ERBB4: variants seen among roughly 807,000 people sequenced by gnomAD.
ERBB4 encodes erb-b2 receptor tyrosine kinase 4.
In ERBB4, 42 loss-of-function variants were observed where a neutral mutation model predicts 158.0. The observed-to-expected ratio is 0.27, with a 90% CI of 0.21 to 0.34. The LOEUF (loss-of-function observed/expected upper bound fraction) is 0.34. Among genes scored for constraint, ERBB4 ranks in the 10% least tolerant of loss-of-function variants. The pLI is 1.00. For synonymous variants in ERBB4, 583 were observed against 558.7 expected, an observed-to-expected ratio of 1.04 and a Z score of -0.61; for missense variants, 1,333 against 1,624.1, an observed-to-expected ratio of 0.82 and a Z score of 3.08.
intron 1 of ERBB4, among the ~76,000 whole-genome samples, chr2:212,474,626 GCTC>G (rs987386128): frequency 9.9e-5 from 15 of 151,892 alleles, no homozygotes; most frequent in Non-Finnish European, 2.1e-4. Flanking sequence ...TCCTTGTCTT[GCTC>G]CTCCTCTCCG....
intron 2 of ERBB4, among the ~76,000 whole-genome samples, chr2:212,077,756 C>G (rs2078315643): frequency 6.6e-6 from 1 of 151,998 alleles, no homozygotes; most frequent in Non-Finnish European, 1.5e-5. Context: ...GCTTATTGCA[C>G]ATTTCTGTGT....
intron 4 of ERBB4, among the ~76,000 whole-genome samples, chr2:211,780,944 G>A (rs62183035): frequency 6.6e-6 from 1 of 152,096 alleles, no homozygotes; most frequent in African/African-American, 2.4e-5. Flanking sequence ...AAAACAGTGT[G>A]ATTTCATTCT....
In ERBB4 at chr2:212,461,340, G is replaced by A. The variant is rs146349646; in HGVS notation, c.82+77109C>T. On this transcript the variant is annotated intron_variant, in intron 1 of 27. Coordinates refer to ENST00000342788, the MANE Select transcript of ERBB4 (RefSeq NM_005235.3). The stretch of plus-strand genomic sequence containing the variant: ...ATGGACAGAGCTGCCCAAGACCATG[G>A]GAACCCACCTCTTGCATCCCACTGT... Among the ~76,000 whole-genome samples the A allele has an allele frequency of 2.4e-3, 364 of 152,272 alleles. 1 individual carries two copies. The highest frequency in any genetic ancestry group is 7.8e-3 in the African/African-American group (324 of 41,540).
chr2:211,518,412 T>C (rs927667950), intron 20 of ERBB4, among the ~76,000 whole-genome samples: 3 of 151,950 alleles, frequency 2.0e-5, no homozygotes, highest in Non-Finnish European at 4.4e-5. Context: ...TCCCAGCACT[T>C]TGGGAGGCCA....
chr2:212,195,386 C>T (rs541665028), intron 1 of ERBB4, among the ~76,000 whole-genome samples: 3 of 152,088 alleles, frequency 2.0e-5, no homozygotes, highest in Non-Finnish European at 4.4e-5. Flanking sequence ...TTGCAAAATA[C>T]TTAATCTGCT....
chr2:211,641,242 G>A (rs920708345), intron 16 of ERBB4, among the ~76,000 whole-genome samples: 3 of 152,026 alleles, frequency 2.0e-5, no homozygotes, highest in Admixed American at 6.6e-5. Flanking sequence ...TGTGGCTAAA[G>A]GGGCTTTATT....
At chr2:212,089,384 G>A (rs1023936447) in intron 2 of ERBB4, among the ~76,000 whole-genome samples, 6 of 152,092 alleles carry the variant, frequency 3.9e-5, no homozygotes, top group African/African-American at 1.4e-4. Flanking sequence ...TTTTAAGTTT[G>A]AGGAATATCT....
chr2:212,285,509 G>C (rs545294080), intron 1 of ERBB4, among the ~76,000 whole-genome samples: 1 of 152,040 alleles, frequency 6.6e-6, no homozygotes, highest in Admixed American at 6.6e-5. Context: ...AAATTCAAGG[G>C]AAGACTGAAT....
At position 212,267,636 on chromosome 2, in the gene ERBB4, AT is replaced by A. The variant is rs531109532; in HGVS notation, c.83-142734del. On this transcript the variant is annotated intron_variant, in intron 1 of 27. Transcript: ENST00000342788. ...TATTATACTTTAAGTTTTAGGGTAC[AT>A]GTGCACAATGTGCAGGTTTGTTACA... Among the ~76,000 whole-genome samples, 33 of 113,540 alleles carry A rather than the reference AT, an allele frequency of 2.9e-4. No homozygotes were observed. In the South Asian group the frequency reaches 8.4e-3, roughly 29 times the overall value. 74.5% of individuals were successfully genotyped at this position (113,540 alleles called of 152,430 possible). A position where few individuals can be genotyped will look rare whatever the true frequency, so the allele number is the denominator to read the frequency against.
chr2:212,190,114 A>G (rs1003784640), intron 1 of ERBB4, among the ~76,000 whole-genome samples: 3 of 151,346 alleles, frequency 2.0e-5, no homozygotes, highest in Non-Finnish European at 4.4e-5. Context: ...TACATTCTAA[A>G]AAGTTTTACT....
At chr2:212,334,811 C>T (rs550104670) in intron 1 of ERBB4, among the ~76,000 whole-genome samples, 21 of 152,012 alleles carry the variant, frequency 1.4e-4, no homozygotes, top group African/African-American at 3.9e-4. Context: ...AATTTAAATG[C>T]TCATTTCATT....
At chr2:212,049,418 G>A (rs981785920) in intron 2 of ERBB4, among the ~76,000 whole-genome samples, 6 of 151,904 alleles carry the variant, frequency 3.9e-5, no homozygotes, top group Non-Finnish European at 7.4e-5. Context: ...TGGTGTGCAC[G>A]CCTGATTCTT....
At chr2:212,012,854 C>G (rs1422823180) in intron 2 of ERBB4, among the ~76,000 whole-genome samples, 1 of 152,044 alleles carries the variant, frequency 6.6e-6, no homozygotes, top group Non-Finnish European at 1.5e-5. Context: ...AAGCAATCCT[C>G]CCACCTCAGC....
chr2:211,971,941 A>G (rs938120127), intron 2 of ERBB4, among the ~76,000 whole-genome samples: 3 of 152,144 alleles, frequency 2.0e-5, no homozygotes, highest in Non-Finnish European at 2.9e-5. Flanking sequence ...CAAGAGAAAT[A>G]AATAAACAAA....
rs577777742 is a variant in ERBB4 at position 211,815,003 on chromosome 2, G to C, written c.422-26844C>G. ...CCAGGGACAGGCTCAGTTGATAGGT[G>C]TTTTTCCAGAGTAATTATAAATAAT... On this transcript the variant is annotated intron_variant, in intron 3 of 27. Coordinates refer to ENST00000342788, the MANE Select transcript of ERBB4 (RefSeq NM_005235.3). Among the ~76,000 whole-genome samples the C allele has an allele frequency of 1.7e-4, 26 of 152,276 alleles. 1 individual carries two copies. The highest frequency in any genetic ancestry group is 6.3e-4 in the African/African-American group (26 of 41,564).
intron 1 of ERBB4, among the ~76,000 whole-genome samples, chr2:212,537,882 C>G (rs549908693): frequency 6.6e-6 from 1 of 152,190 alleles, no homozygotes; most frequent in Non-Finnish European, 1.5e-5. Context: ...CTGCTGCACT[C>G]CGGCTGCCCG....
chr2:211,746,548 G>A (rs2074977811), intron 5 of ERBB4, among the ~76,000 whole-genome samples: 1 of 152,078 alleles, frequency 6.6e-6, no homozygotes, highest in Non-Finnish European at 1.5e-5. Flanking sequence ...CTCCATTCAG[G>A]CTGGGTGCAC....
rs575798646 is a variant in ERBB4, at chr2:211,389,321, C to T, written c.3136-1329G>A. The stretch of plus-strand genomic sequence containing the variant: ...AAGTGCTGGGATTACAGATACTTTA[C>T]ATCTTTTAAATGAAACAGATAAATA... On this transcript the variant is annotated intron_variant, in intron 25 of 27. Transcript: ENST00000342788. Among the ~76,000 whole-genome samples the T allele has an allele frequency of 1.5e-4, 23 of 152,322 alleles. 1 individual carries two copies. In the East Asian group the frequency reaches 3.7e-3, roughly 24 times the overall value.
intron 2 of ERBB4, among the ~76,000 whole-genome samples, chr2:211,997,834 C>T (rs761803497): frequency 3.3e-5 from 5 of 151,648 alleles, no homozygotes; most frequent in African/African-American, 7.3e-5. Context: ...ATTCCACTTC[C>T]ACTTCAAAAT....
Sources: gnomAD v4.1 joint callset for allele counts (sites outside exome capture counted in the v4.1 genomes callset) on GRCh38, gnomAD v4.1.1 for gene constraint, MANE v1.5 for transcripts, NCBI Gene and HGNC (gene_info 2026-07-23, HGNC 2026-07-21) for gene names.